ITIH6: variants seen among roughly 807,000 people sequenced by gnomAD.
ITIH6 encodes the protein inter-alpha-trypsin inhibitor heavy chain H6.
A neutral mutation model predicts 58.2 loss-of-function variants in ITIH6; 60 were observed. The ratio of observed to expected loss-of-function variants is 1.03; its 90% confidence interval spans 0.84 to 1.28. ITIH6 has a LOEUF of 1.28. Ranked by LOEUF, ITIH6 falls within the 50% of genes most tolerant of loss-of-function variation. The pLI is 0.00. For missense variants in ITIH6, 1,290 were observed against 1,021.1 expected (o/e 1.26, Z -3.59); for synonymous variants, 493 against 417.4 (o/e 1.18, Z -2.21).
intron 5 of ITIH6, 113 bp downstream of exon 5, chrX:54,788,367 C>T (rs112426435): frequency 1.6e-6 from 1 of 642,838 alleles, no homozygotes; most frequent in Non-Finnish European, 2.4e-6. Flanking sequence ...ATCCTTGTTC[C>T]CTAGCCCTTG....
chrX:54,772,058 T>C (rs939099591), intron 6 of ITIH6, among the ~76,000 whole-genome samples: 7 of 112,389 alleles, frequency 6.2e-5, no homozygotes, highest in African/African-American at 2.3e-4. Flanking sequence ...GTATGTTCAT[T>C]GCAGCACAAT....
At chrX:54,767,133 G>A (rs1448029004) in intron 6 of ITIH6, among the ~76,000 whole-genome samples, 22 of 109,506 alleles carry the variant, frequency 2.0e-4, no homozygotes, top group African/African-American at 1.7e-4. Flanking sequence ...TGTATGCGTC[G>A]AGGAATGTAT....
intron 6 of ITIH6, among the ~76,000 whole-genome samples, chrX:54,762,360 G>T (rs951577216): frequency 9.0e-6 from 1 of 111,333 alleles, no homozygotes; most frequent in Non-Finnish European, 1.9e-5. Context: ...GGGTTTTCTA[G>T]ATATACAATC....
At chrX:54,784,637 A>G (rs909104684) in intron 5 of ITIH6, among the ~76,000 whole-genome samples, 1 of 112,045 alleles carries the variant, frequency 8.9e-6, no homozygotes, top group Non-Finnish European at 1.9e-5. Flanking sequence ...AAAAACTACA[A>G]TGAGATATCA....
At chrX:54,765,189 A>G (rs1462459222) in intron 6 of ITIH6, among the ~76,000 whole-genome samples, 3 of 46,527 alleles carry the variant, frequency 6.4e-5, no homozygotes, top group African/African-American at 2.7e-4. Context: ...GGTTGCGAAA[A>G]TTTTCTCCCA....
chrX:54,753,179 G>A (rs1190205570), intron 11 of ITIH6, among the ~76,000 whole-genome samples: 1 of 112,233 alleles, frequency 8.9e-6, no homozygotes, highest in Non-Finnish European at 1.9e-5. Context: ...ACTTATTTTT[G>A]TTTCCTAATC....
intron 6 of ITIH6, among the ~76,000 whole-genome samples, chrX:54,762,951 T>G (rs1928682421): frequency 8.9e-6 from 1 of 111,776 alleles, no homozygotes; most frequent in South Asian, 3.8e-4. Flanking sequence ...AGCAACACAA[T>G]GAAGAAGGTA....
intron 6 of ITIH6, among the ~76,000 whole-genome samples, chrX:54,761,652 A>G (rs1297394039): frequency 9.0e-6 from 1 of 111,274 alleles, no homozygotes; most frequent in Non-Finnish European, 1.9e-5. Flanking sequence ...AGCTTTCTAC[A>G]TATGGCTAGC....
intron 12 of ITIH6, among the ~76,000 whole-genome samples, chrX:54,750,564 C>T (rs1285667467): frequency 9.0e-6 from 1 of 111,660 alleles, no homozygotes; most frequent in Non-Finnish European, 1.9e-5. Context: ...GACTGTGTCT[C>T]TCCTCGGCTT....
In ITIH6 at chrX:54,757,617, C is replaced by T. The variant is rs1487188435; in HGVS notation, c.2457G>A (p.Lys819=). 1.7e-6 allele frequency: 2 copies of T among 1,210,747 alleles called. No homozygotes were observed. The highest frequency in any genetic ancestry group is 3.5e-5 in the South Asian group (2 of 56,886). Residue 819 remains lysine (K), a synonymous_variant, in exon 8 of 13, where the codon AAG becomes AAA. Coordinates refer to ENST00000218436, the MANE Select transcript of ITIH6 (RefSeq NM_198510.3). ...RPGVSTLQVP[K]YPLHTRPRVP... The stretch of plus-strand genomic sequence containing the variant: ...CCCTAGGTCTGGTGTGTAGTGGGTA[C>T]TTGGGAACCTGAAGTGTAGAGACTC...
chrX:54,798,137 G>A lies in ITIH6; in HGVS notation c.74C>T (p.Pro25Leu). 1.7e-6 allele frequency: 2 copies of A among 1,190,362 alleles called. No homozygotes were observed. The highest frequency in any genetic ancestry group is 2.3e-6 in the Non-Finnish European group (2 of 884,286). ...TGTGCTTGATGAAGCGGGGACAGGG[G>A]GTCCCTGGTATGTCAGTTCAAGAAG... ...TILLELTYQG[P>L]PVPASSSTKL... The change falls in exon 1 of 13, where the codon CCC becomes CTC. Residue 25 changes from proline (P) to leucine (L), a missense_variant. Physicochemically the swap from Pro to Leu is moderately conservative, Grantham distance 98 (BLOSUM62 -3). Transcript: ENST00000218436.
intron 5 of ITIH6, among the ~76,000 whole-genome samples, chrX:54,774,584 T>C (rs1929018573): frequency 8.8e-6 from 1 of 113,122 alleles, no homozygotes; most frequent in Non-Finnish European, 1.9e-5. Flanking sequence ...TTAACCTCCC[T>C]GTATAGAGTG....
Position 54,751,147 on chromosome X carries a change from G to C in ITIH6, c.3586C>G (p.Arg1196Gly). 8.3e-7 allele frequency: 1 copy of C among 1,210,496 alleles called. No individual in the cohort carries two copies. The highest frequency in any genetic ancestry group is 1.1e-6 in the Non-Finnish European group (1 of 894,821). The change falls in exon 12 of 13, where the codon CGC (arginine) becomes GGC (glycine). Residue 1196 changes from arginine to glycine, a missense_variant. Coordinates refer to ENST00000218436, the MANE Select transcript of ITIH6 (RefSeq NM_198510.3). The part of the protein sequence containing the change: ...QLELYVAAAA[R>G]LTLRLGPYLE... ...TAGGGCCCAAGGCGGAGGGTAAGGC[G>C]GGCTGCAGCAGCCACATAGAGCTCC...
chrX:54,763,011 G>C lies in ITIH6; in HGVS notation c.904-3084C>G, dbSNP rs750819245. 3.6e-5 allele frequency among the ~76,000 whole-genome samples: 4 copies of C among 112,047 alleles called. No homozygotes were observed. The South Asian group carries it at 1.5e-3, about 42-fold the overall frequency. On this transcript the variant is annotated intron_variant, in intron 6 of 12. Transcript: ENST00000218436. Reference sequence around the variant, plus strand: ...TGATGACACTGAGACTCAGAGAGGTGGGTGCTTGCTTAAGGTCATACAGCT... The same window carrying C: ...TGATGACACTGAGACTCAGAGAGGTCGGTGCTTGCTTAAGGTCATACAGCT...
At chrX:54,773,292 C>A (rs1928989526) in intron 6 of ITIH6, among the ~76,000 whole-genome samples, 1 of 111,355 alleles carries the variant, frequency 9.0e-6, no homozygotes, top group Non-Finnish European at 1.9e-5. Context: ...CTCAGTGAGA[C>A]AAGAAGGCTA....
Position 54,758,631 on chromosome X carries a change from G to C in ITIH6, c.1443C>G (p.Tyr481Ter). Residue 481 changes from tyrosine (Y) to a stop codon, truncating the protein, a stop_gained, in exon 8 of 13, where the codon TAC (tyrosine) becomes TAG (stop). Coordinates refer to ENST00000218436, the MANE Select transcript of ITIH6 (RefSeq NM_198510.3). LOFTEE classifies it high-confidence loss of function. ...GGGAGGCCCCAACCAAGCCACCCAG[G>C]TAGTTCAGACGCACATCTGCCAGCA... ...MPLLADVRLN[Y>*]LGGLVGASPW... 8.3e-7 allele frequency: 1 copy of C among 1,211,777 alleles called. No homozygotes were observed. The highest frequency in any genetic ancestry group is 1.1e-6 in the Non-Finnish European group (1 of 895,469).
chrX:54,765,994 T>C (rs1297928818), intron 6 of ITIH6, among the ~76,000 whole-genome samples: 1 of 111,324 alleles, frequency 9.0e-6, no homozygotes, highest in East Asian at 2.8e-4. Context: ...GTATGGCCAT[T>C]TTCACGATAT....
intron 6 of ITIH6, among the ~76,000 whole-genome samples, chrX:54,773,817 C>T (rs1437529420): frequency 9.0e-6 from 1 of 110,703 alleles, no homozygotes; most frequent in African/African-American, 3.3e-5. Flanking sequence ...CTTGAGGGTC[C>T]TATATGACCC....
At chrX:54,788,952 A>C (rs958610821) in intron 4 of ITIH6, among the ~76,000 whole-genome samples, 15 of 112,310 alleles carry the variant, frequency 1.3e-4, no homozygotes, top group Non-Finnish European at 2.4e-4. Context: ...TTTTCCGTGC[A>C]ACCTGGGGCC....
Sources: gnomAD v4.1 joint callset for allele counts (sites outside exome capture counted in the v4.1 genomes callset) on GRCh38, gnomAD v4.1.1 for gene constraint, MANE v1.5 for transcripts, NCBI Gene and HGNC (gene_info 2026-07-23, HGNC 2026-07-21) for gene names.